Variants in SEC22A observed in about 807,000 individuals in gnomAD.
SEC22A encodes the protein SEC22 homolog A, vesicle trafficking protein, also known as vesicle-trafficking protein SEC22a.
A neutral mutation model predicts 35.3 loss-of-function variants in SEC22A; 22 were observed. That is an observed-to-expected ratio of 0.62 (90% CI 0.45 to 0.89). The LOEUF is 0.89. SEC22A is among the 40% of genes least tolerant of loss of function. The pLI, the probability that SEC22A is intolerant of heterozygous loss-of-function variation, is 0.00. For synonymous variants in SEC22A, 119 were observed against 129.5 expected (o/e 0.92, Z 0.55); for missense variants, 354 against 362.5 (o/e 0.98, Z 0.19).
chr3:123,237,050 T>C (rs2108066236), intron 4 of SEC22A, among the ~76,000 whole-genome samples: 1 of 152,336 alleles, frequency 6.6e-6, no homozygotes, highest in East Asian at 1.9e-4. Flanking sequence ...TTGCAGGTCA[T>C]ATGGCCTCTG....
intron 2 of SEC22A, among the ~76,000 whole-genome samples, chr3:123,215,982 A>G (rs1421783141): frequency 6.6e-6 from 1 of 152,182 alleles, no homozygotes; most frequent in Non-Finnish European, 1.5e-5. Context: ...GGGAAATGCA[A>G]CCAACCTATA....
intron 4 of SEC22A, among the ~76,000 whole-genome samples, chr3:123,239,490 C>T (rs1401429888): frequency 1.3e-5 from 2 of 151,868 alleles, no homozygotes; most frequent in East Asian, 1.9e-4. Flanking sequence ...TGTTCCCCTT[C>T]CTGTGTCCAT....
chr3:123,245,778 T>G (rs1937561178), intron 4 of SEC22A, 121 bp from the exon 5 acceptor site: 7 of 632,660 alleles, frequency 1.1e-5, no homozygotes, highest in South Asian at 1.0e-4. Context: ...TATATGGTGT[T>G]AAATAATTCT....
chr3:123,256,170 C>T (rs1005863700), intron 5 of SEC22A, among the ~76,000 whole-genome samples: 2 of 152,134 alleles, frequency 1.3e-5, no homozygotes, highest in African/African-American at 4.8e-5. Flanking sequence ...AATCTAGGAG[C>T]TAATCAAGAA....
At chr3:123,257,995 G>GAAAAAAA (rs61068587) in intron 5 of SEC22A, among the ~76,000 whole-genome samples, 2 of 111,508 alleles carry the variant, frequency 1.8e-5, no homozygotes, top group Admixed American at 9.8e-5. Context: ...CCATCTCATT[G>GAAAAAAA]AAAAAAAAAA....
chr3:123,213,733 G>T (rs934598841), intron 2 of SEC22A, among the ~76,000 whole-genome samples: 3 of 152,102 alleles, frequency 2.0e-5, no homozygotes, highest in South Asian at 2.1e-4. Flanking sequence ...TCAAATTTGT[G>T]TAGAAATTGA....
chr3:123,248,150 A>G (rs1414889636), intron 5 of SEC22A, among the ~76,000 whole-genome samples: 3 of 152,220 alleles, frequency 2.0e-5, no homozygotes, highest in Admixed American at 6.5e-5. Context: ...GACCAGGAAC[A>G]GGGCAAGGAT....
intron 2 of SEC22A, among the ~76,000 whole-genome samples, chr3:123,212,534 AT>A (rs1307124165): frequency 1.3e-5 from 2 of 151,794 alleles, no homozygotes; most frequent in Non-Finnish European, 2.9e-5. Context: ...AACTTTTGCA[AT>A]TTTTTTTCTT....
At chr3:123,214,129 A>T (rs1322860268) in intron 2 of SEC22A, among the ~76,000 whole-genome samples, 1 of 152,232 alleles carries the variant, frequency 6.6e-6, no homozygotes, top group Non-Finnish European at 1.5e-5. Context: ...CAGGAAGCGG[A>T]GGCTGCAGTG....
At chr3:123,268,178 T>A (rs567987407) in intron 6 of SEC22A, among the ~76,000 whole-genome samples, 105 of 152,022 alleles carry the variant, frequency 6.9e-4, no homozygotes, top group Non-Finnish European at 1.1e-3. Flanking sequence ...TCACAGGGGT[T>A]TTTTGTGTGA....
intron 6 of SEC22A, among the ~76,000 whole-genome samples, chr3:123,267,224 G>C (rs1938046651): frequency 6.6e-6 from 1 of 151,310 alleles, no homozygotes; most frequent in Non-Finnish European, 1.5e-5. Context: ...TTTCATTGCT[G>C]TACGTAAGTC....
chr3:123,270,740 C>T lies in SEC22A; in HGVS notation c.724-782C>T, dbSNP rs544247098. On this transcript the variant is annotated intron_variant, in intron 6 of 6. Coordinates refer to ENST00000492595, the MANE Select transcript of SEC22A (RefSeq NM_012430.5). Reference sequence around the variant, plus strand: ...AAATAAAGCAGTAAAGGGTGAATGCCAGGATGGGCAGGAGCGGTGAGAGGG... The same window carrying T: ...AAATAAAGCAGTAAAGGGTGAATGCTAGGATGGGCAGGAGCGGTGAGAGGG... 4.6e-5 allele frequency among the ~76,000 whole-genome samples: 7 copies of T among 152,224 alleles called. No homozygotes were observed. In the South Asian group the frequency reaches 1.5e-3, roughly 32 times the overall value.
intron 2 of SEC22A, among the ~76,000 whole-genome samples, chr3:123,211,732 A>G (rs1936942082): frequency 6.6e-6 from 1 of 152,106 alleles, no homozygotes; most frequent in African/African-American, 2.4e-5. Flanking sequence ...TACTGGGATT[A>G]CAGACATGAG....
At chr3:123,262,744 A>G (rs903256823) in intron 6 of SEC22A, among the ~76,000 whole-genome samples, 2 of 152,350 alleles carry the variant, frequency 1.3e-5, no homozygotes, top group South Asian at 2.1e-4. Flanking sequence ...GATATTTTCA[A>G]CTTATAATGA....
intron 4 of SEC22A, among the ~76,000 whole-genome samples, chr3:123,240,215 A>G (rs1364896093): frequency 6.6e-6 from 1 of 152,216 alleles, no homozygotes; most frequent in African/African-American, 2.4e-5. Context: ...CATCAAAAAT[A>G]CAGAATAAAA....
intron 6 of SEC22A, among the ~76,000 whole-genome samples, chr3:123,269,215 G>GTGTGTGTA (rs10642998): frequency 0.017 from 2,261 of 136,838 alleles, 55 homozygotes; most frequent in East Asian, 0.064. Flanking sequence ...GTGTGTGTGT[G>GTGTGTGTA]TATATATTAC....
At chr3:123,260,527 C>A (rs979673776) in intron 6 of SEC22A, among the ~76,000 whole-genome samples, 2 of 152,186 alleles carry the variant, frequency 1.3e-5, no homozygotes, top group Admixed American at 1.3e-4. Flanking sequence ...CTGATAGTCA[C>A]ATTTCCAAGG....
chr3:123,227,408 AGAACACAT>A (rs1457308276), intron 4 of SEC22A, among the ~76,000 whole-genome samples: 2 of 151,936 alleles, frequency 1.3e-5, no homozygotes, highest in Non-Finnish European at 2.9e-5. Flanking sequence ...TTCACCAATG[AGAACACAT>A]GGACACAGGG....
intron 4 of SEC22A, among the ~76,000 whole-genome samples, chr3:123,227,500 A>C (rs1334162683): frequency 6.6e-6 from 1 of 152,184 alleles, no homozygotes; most frequent in Non-Finnish European, 1.5e-5. Context: ...AGAAATACCT[A>C]ATATAGATGA....
Sources: gnomAD v4.1 joint callset for allele counts (sites outside exome capture counted in the v4.1 genomes callset) on GRCh38, gnomAD v4.1.1 for gene constraint, MANE v1.5 for transcripts, NCBI Gene and HGNC (gene_info 2026-07-23, HGNC 2026-07-21) for gene names.